The following CLIP1 variants were observed in gnomAD, a reference collection of about 807,000 sequenced individuals.
CLIP1 encodes the protein CAP-Gly domain containing linker protein 1, also known as CAP-Gly domain-containing linker protein 1.
Under a neutral mutation model 161.6 loss-of-function variants are expected in CLIP1, and 66 were observed. The observed-to-expected ratio is 0.41, with a 90% CI of 0.33 to 0.50. The LOEUF (loss-of-function observed/expected upper bound fraction) is 0.50, where lower values mean the gene tolerates loss of function less well. Among genes scored for constraint, CLIP1 ranks in the 20% least tolerant of loss-of-function variants. The probability of loss-of-function intolerance (pLI) is 0.27; values close to 1 mark genes in which losing one functional copy is unlikely to be tolerated. For synonymous variants in CLIP1, 598 were observed against 626.2 expected (o/e 0.96, Z 0.67); for missense variants, 1,376 against 1,702.0 (o/e 0.81, Z 3.37).
At chr12:122,394,499 A>AAG in intron 1 of CLIP1, among the ~76,000 whole-genome samples, 1 of 151,038 alleles carries the variant, frequency 6.6e-6, no homozygotes, top group East Asian at 1.9e-4. Context: ...AAAAAAAAAA[A>AAG]AAAAAAAAAA....
chr12:122,345,367 C>T (rs573516391), intron 10 of CLIP1, among the ~76,000 whole-genome samples: 18 of 151,858 alleles, frequency 1.2e-4, no homozygotes, highest in African/African-American at 3.9e-4. Context: ...CACCACCTTG[C>T]CCAGGCTGGT....
intron 1 of CLIP1, among the ~76,000 whole-genome samples, chr12:122,387,510 A>G (rs1955330092): frequency 6.9e-6 from 1 of 145,136 alleles, no homozygotes; most frequent in South Asian, 2.2e-4. Flanking sequence ...GAGATAAATA[A>G]TTTTGTTAAA....
chr12:122,294,156 G>A (rs988282928), intron 20 of CLIP1, among the ~76,000 whole-genome samples: 4 of 151,008 alleles, frequency 2.6e-5, no homozygotes, highest in Non-Finnish European at 5.9e-5. Flanking sequence ...GTGAAACCCT[G>A]TCTCTACTAA....
chr12:122,319,072 G>T (rs1951381103), intron 18 of CLIP1, among the ~76,000 whole-genome samples, 160 bp downstream of exon 18: 1 of 152,158 alleles, frequency 6.6e-6, no homozygotes, highest in South Asian at 2.1e-4. Context: ...AAGTAATGAA[G>T]TGATACACTT....
intron 18 of CLIP1, among the ~76,000 whole-genome samples, chr12:122,318,003 T>G (rs898753100): frequency 2.0e-5 from 3 of 152,240 alleles, no homozygotes; most frequent in African/African-American, 7.2e-5. Flanking sequence ...GATTTTTTAA[T>G]GCTTTTATAC....
intron 1 of CLIP1, among the ~76,000 whole-genome samples, chr12:122,403,565 C>G (rs2137102153): frequency 7.2e-6 from 1 of 139,094 alleles, no homozygotes; most frequent in Admixed American, 8.1e-5. Context: ...GGTACCCAGG[C>G]TGGAGTGCAG....
chr12:122,396,408 G>T (rs941676075), intron 1 of CLIP1, among the ~76,000 whole-genome samples: 2 of 152,160 alleles, frequency 1.3e-5, no homozygotes, highest in Non-Finnish European at 2.9e-5. Context: ...AGCCAGCACA[G>T]AGTAAGAATT....
chr12:122,318,081 T>C (rs1008415555), intron 18 of CLIP1, among the ~76,000 whole-genome samples: 3 of 152,226 alleles, frequency 2.0e-5, no homozygotes, highest in Non-Finnish European at 2.9e-5. Flanking sequence ...ATGTGAAGTG[T>C]TGTTATTTAT....
At chr12:122,351,318 A>T (rs1218791915) in intron 8 of CLIP1, among the ~76,000 whole-genome samples, 175 bp from the exon 9 acceptor site, 1 of 152,198 alleles carries the variant, frequency 6.6e-6, no homozygotes, top group East Asian at 1.9e-4. Flanking sequence ...CCTCCTGAAG[A>T]CACCATGGGC....
chr12:122,387,449 C>T lies in CLIP1; in HGVS notation c.-106-6891G>A, dbSNP rs541202605. ...TTTACATCACAAGTGCTTGTGGAGG[C>T]GGGGGGGAGGACTACTGTCACTTAA... On this transcript the variant is annotated intron_variant, in intron 1 of 25. Transcript: ENST00000620786. Among the ~76,000 whole-genome samples, 1,374 of 143,982 alleles carry T rather than the reference C, an allele frequency of 9.5e-3. 11 individuals are homozygous for T. The highest frequency in any genetic ancestry group is 0.013 in the Non-Finnish European group (863 of 64,954). The allele number at this position is 143,982 out of a possible 152,430, so 94.5% of individuals were successfully genotyped here.
At chr12:122,340,061 A>C (rs1454444923) in intron 11 of CLIP1, among the ~76,000 whole-genome samples, 1 of 151,196 alleles carries the variant, frequency 6.6e-6, no homozygotes, top group Non-Finnish European at 1.5e-5. Context: ...GAAGAGGAGG[A>C]GATGATCTTT....
At chr12:122,315,558 G>A (rs1257995009) in intron 19 of CLIP1, among the ~76,000 whole-genome samples, 4 of 152,188 alleles carry the variant, frequency 2.6e-5, no homozygotes, top group South Asian at 2.1e-4. Context: ...CTGAAACCAC[G>A]TAACAAATTG....
At position 122,353,636 on chromosome 12, in the gene CLIP1, CT is replaced by C. The variant is rs200265709; in HGVS notation, c.1307+816del. Among the ~76,000 whole-genome samples the C allele has an allele frequency of 5.0e-3, 727 of 146,422 alleles. 7 individuals are homozygous for C. Among genetic ancestry groups the C allele is most frequent in the Admixed American group, 0.011 (169 of 14,706 alleles). The stretch of plus-strand genomic sequence containing the variant: ...CTCAAAAGATAATAAATAATGTTTT[CT>C]TTTTTTTTTTTGAGACGGAGTCTTG... On this transcript the variant is annotated intron_variant, in intron 7 of 25. Coordinates refer to ENST00000620786, the MANE Select transcript of CLIP1 (RefSeq NM_001247997.2).
At chr12:122,363,833 G>T in intron 4 of CLIP1, 150 bp downstream of exon 4, 3 of 995,244 alleles carry the variant, frequency 3.0e-6, no homozygotes, top group South Asian at 3.3e-5. Context: ...TTTTAGTGTG[G>T]GGAAAAAAAA....
At chr12:122,412,632 G>A (rs375984724) in intron 1 of CLIP1, among the ~76,000 whole-genome samples, 1 of 151,956 alleles carries the variant, frequency 6.6e-6, no homozygotes, top group Non-Finnish European at 1.5e-5. Context: ...TCCAGCCTGG[G>A]TGACAGAGCG....
chr12:122,364,950 T>C (rs1239510955), intron 3 of CLIP1: 14 of 467,752 alleles, frequency 3.0e-5, no homozygotes, highest in African/African-American at 6.0e-5. Context: ...ATGGATGAAA[T>C]TGGGAATCAT....
chr12:122,336,776 A>G, intron 11 of CLIP1, 28 bp from the exon 12 acceptor site: 1 of 986,638 alleles, frequency 1.0e-6, no homozygotes, highest in South Asian at 1.8e-5. Flanking sequence ...ATGGTATAGA[A>G]GCAAATGAAC....
chr12:122,404,741 C>CA lies in CLIP1; in HGVS notation c.-107+17779dup, dbSNP rs879539796. ...TGAAACCCTGTCTCTAATAAAAATA[C>CA]AAAAAAAAAAAATTAGCCTGGCATG... On this transcript the variant is annotated intron_variant, in intron 1 of 25. Transcript: ENST00000620786. Among the ~76,000 whole-genome samples the CA allele has an allele frequency of 1.4e-3, 187 of 137,410 alleles. 1 individual carries two copies. The highest frequency in any genetic ancestry group is 2.9e-3 in the African/African-American group (107 of 37,404). The allele number at this position is 137,410 out of a possible 152,430, so 90.1% of individuals were successfully genotyped here. A position where few individuals can be genotyped will look rare whatever the true frequency, so the allele number is the denominator to read the frequency against.
At chr12:122,396,933 A>AT (rs34381270) in intron 1 of CLIP1, among the ~76,000 whole-genome samples, 12,020 of 75,044 alleles carry the variant, frequency 0.16, 1,816 homozygotes, top group Middle Eastern at 0.23. Flanking sequence ...CACCCGGCAA[A>AT]TTTTTTTTTT....
Sources: gnomAD v4.1 joint callset for allele counts (sites outside exome capture counted in the v4.1 genomes callset) on GRCh38, gnomAD v4.1.1 for gene constraint, MANE v1.5 for transcripts, NCBI Gene and HGNC (gene_info 2026-07-23, HGNC 2026-07-21) for gene names.